Variants in MTTP observed in about 807,000 individuals in gnomAD.
The protein encoded by MTTP is microsomal triglyceride transfer protein.
Under a neutral mutation model 90.6 loss-of-function variants are expected in MTTP, and 49 were observed. That is an observed-to-expected ratio of 0.54 (90% confidence interval 0.43 to 0.69). The LOEUF (loss-of-function observed/expected upper bound fraction) is 0.69. Ranked by LOEUF, MTTP falls within the 30% of genes least tolerant of loss-of-function variation. MTTP has a pLI of 0.00. For synonymous variants in MTTP, 347 were observed against 384.2 expected (o/e 0.90, Z 1.13); for missense variants, 945 against 1,067.5 (o/e 0.89, Z 1.60).
In MTTP at chr4:99,622,837, G is replaced by A. The variant is rs774949603; in HGVS notation, c.2674G>A (p.Gly892Arg). The A allele has an allele frequency of 9.9e-6, 16 of 1,613,950 alleles. No individual in the cohort carries two copies. Among genetic ancestry groups the A allele is most frequent in the African/African-American group, 2.7e-5 (2 of 74,908 alleles). The change falls in exon 18 of 18, where the codon GGA becomes AGA. Residue 892 changes from glycine (G) to arginine (R), a missense_variant. Coordinates refer to ENST00000265517, the MANE Select transcript of MTTP (RefSeq NM_001386140.1). ...CCCTCAGCCGGATAGTACTTCCAGC[G>A]GATGGTTTTGAAACTGACCTGTGAT... ...FAPQPDSTSS[G>R]WF
At chr4:99,594,573 A>G (rs1434733154) in intron 6 of MTTP, among the ~76,000 whole-genome samples, 160 bp from the exon 7 acceptor site, 4 of 152,196 alleles carry the variant, frequency 2.6e-5, no homozygotes, top group Non-Finnish European at 5.9e-5. Flanking sequence ...AAGACTTCAT[A>G]ATGAGCTTTC....
chr4:99,621,692 C>A (rs1296676266), intron 17 of MTTP, among the ~76,000 whole-genome samples: 1 of 152,102 alleles, frequency 6.6e-6, no homozygotes, highest in Non-Finnish European at 1.5e-5. Context: ...GCAACTTGAC[C>A]CTGTTTAAGT....
Position 99,601,625 on chromosome 4 carries a change from A to G in MTTP, c.1255A>G (p.Ile419Val), listed in dbSNP as rs749908900. The G allele has an allele frequency of 2.2e-5, 35 of 1,612,276 alleles. No individual in the cohort carries two copies. The highest frequency in any genetic ancestry group is 1.7e-5 in the Admixed American group (1 of 59,956). Reference sequence around the variant, plus strand: ...TTAATAGAGTAAGTTCAAAGGTTCTATTGGTAGCAGTGACATCAGAGAAAC... The same window carrying G: ...TTAATAGAGTAAGTTCAAAGGTTCTGTTGGTAGCAGTGACATCAGAGAAAC... Reference protein sequence around the residue: ...RALISKFKGSIGSSDIRETVM... With the variant: ...RALISKFKGSVGSSDIRETVM... The change falls in exon 10 of 18, where the codon ATT becomes GTT. Residue 419 changes from isoleucine (I) to valine (V), a missense_variant. Physicochemically the swap from Ile to Val is conservative, Grantham distance 29. Coordinates refer to ENST00000265517, the MANE Select transcript of MTTP (RefSeq NM_001386140.1).
chr4:99,622,920 C>G lies in MTTP; in HGVS notation c.*72C>G. 1 of 1,491,742 alleles carries G rather than the reference C, an allele frequency of 6.7e-7. No individual in the cohort carries two copies. Among genetic ancestry groups the G allele is most frequent in the Non-Finnish European group, 9.4e-7 (1 of 1,069,196 alleles). 92.4% of individuals were successfully genotyped at this position (1,491,742 alleles called of 1,614,324 possible). A position where few individuals can be genotyped will look rare whatever the true frequency, so the allele number is the denominator to read the frequency against. On this transcript the variant is annotated 3_prime_UTR_variant, in exon 18 of 18. Transcript: ENST00000265517. ...ACAATGTGGCATGACTAAGTACTTG[C>G]TCTCTGAGAGCACAGCGTTTACATA...
intron 5 of MTTP, 84 bp downstream of exon 5, chr4:99,591,435 G>T: frequency 1.6e-6 from 2 of 1,251,264 alleles, no homozygotes; most frequent in Admixed American, 1.8e-5. Context: ...AAATAAAGTA[G>T]AAATAGAATT....
chr4:99,578,150 C>A (rs2110209548), intron 1 of MTTP, among the ~76,000 whole-genome samples: 1 of 152,268 alleles, frequency 6.6e-6, no homozygotes, highest in Admixed American at 6.5e-5. Flanking sequence ...ATAAATCTGA[C>A]AAAGGAGTAT....
In MTTP at chr4:99,621,351, GA is replaced by G. The variant is rs1726227430; in HGVS notation, c.2513+122del. ...AAACAGTAGAAACCCAGGGAAAGAT[GA>G]ATTTTCTTTAAATGAGTAGAAGAAT... On this transcript the variant is annotated intron_variant, in intron 17 of 17. Transcript: ENST00000265517. 2.3e-6 allele frequency: 3 copies of G among 1,309,012 alleles called. No homozygotes were observed. In the Admixed American group the frequency reaches 5.4e-5, roughly 23 times the overall value. 81.1% of individuals were successfully genotyped at this position (1,309,012 alleles called of 1,614,324 possible).
chr4:99,610,608 T>C (rs781047161), intron 12 of MTTP, among the ~76,000 whole-genome samples: 10 of 152,200 alleles, frequency 6.6e-5, no homozygotes, highest in Admixed American at 1.3e-4. Context: ...GGGGTAAGGA[T>C]TAAGACTTAC....
intron 9 of MTTP, among the ~76,000 whole-genome samples, chr4:99,601,237 T>C (rs552719512): frequency 6.6e-6 from 1 of 152,200 alleles, no homozygotes; most frequent in Non-Finnish European, 1.5e-5. Context: ...ATAATCTTTA[T>C]GGAAAATGTA....
intron 15 of MTTP, among the ~76,000 whole-genome samples, chr4:99,615,684 A>T (rs1418006426): frequency 6.6e-6 from 1 of 152,154 alleles, no homozygotes; most frequent in Non-Finnish European, 1.5e-5. Context: ...AGATGGAATT[A>T]CTCTGTGCTT....
intron 10 of MTTP, among the ~76,000 whole-genome samples, chr4:99,603,314 A>G (rs1324454119): frequency 1.3e-5 from 2 of 152,136 alleles, no homozygotes; most frequent in Non-Finnish European, 2.9e-5. Flanking sequence ...TCTGGCCTTC[A>G]TTCCACAGAA....
chr4:99,581,834 A>G (rs1012026271), intron 1 of MTTP, 71 bp from the exon 2 acceptor site: 2 of 1,474,894 alleles, frequency 1.4e-6, no homozygotes, highest in African/African-American at 2.8e-5. Flanking sequence ...TGTGGTAGAG[A>G]GATGCACTGA....
Position 99,597,082 on chromosome 4 carries a change from C to T in MTTP, c.925C>T (p.Arg309Trp), listed in dbSNP as rs756001078. ...KGCPSLSELW[R>W]STRKYLQPDN... ...TGTTTTGCAGCTCTCGGAGCTCTGGCGGTCCACCAGGAAATACCTGCAGCC... is the reference window on the plus strand; with the variant it reads ...TGTTTTGCAGCTCTCGGAGCTCTGGTGGTCCACCAGGAAATACCTGCAGCC... The change falls in exon 8 of 18, where the codon CGG (arginine) becomes TGG (tryptophan). Residue 309 changes from arginine to tryptophan, a missense_variant. Arg to Trp is a moderately radical substitution (Grantham distance 101). Transcript: ENST00000265517. 3.7e-6 allele frequency: 6 copies of T among 1,613,710 alleles called. No homozygotes were observed. Among genetic ancestry groups the T allele is most frequent in the Admixed American group, 3.3e-5 (2 of 59,982 alleles).
intron 6 of MTTP, 110 bp downstream of exon 6, chr4:99,591,900 A>G (rs1725433548): frequency 3.1e-6 from 3 of 978,304 alleles, no homozygotes; most frequent in Non-Finnish European, 4.7e-6. Context: ...GCGTGTAGTC[A>G]TGCATTGCTT....
chr4:99,608,831 T>C lies in MTTP; in HGVS notation c.1623T>C (p.Thr541=). ...AAGTTCATGAAAAGACTGTGCGCACTGCTGCAGCTGCTATCATTTTAAATA... is the reference window on the plus strand; with the variant it reads ...AAGTTCATGAAAAGACTGTGCGCACCGCTGCAGCTGCTATCATTTTAAATA... ...NRKVHEKTVR[T]AAAAIILNNN... The change falls in exon 12 of 18, where the codon ACT becomes ACC. Residue 541 remains threonine, a synonymous_variant. Transcript: ENST00000265517. 6.2e-7 allele frequency: 1 copy of C among 1,614,164 alleles called. No individual in the cohort carries two copies. The highest frequency in any genetic ancestry group is 8.5e-7 in the Non-Finnish European group (1 of 1,180,004).
At chr4:99,614,818 T>C (rs1014657873) in intron 15 of MTTP, among the ~76,000 whole-genome samples, 4 of 152,218 alleles carry the variant, frequency 2.6e-5, no homozygotes, top group African/African-American at 4.8e-5. Context: ...TGGCTATCTC[T>C]AGCTGAGAGA....
chr4:99,587,747 C>T (rs1463830929), intron 3 of MTTP, among the ~76,000 whole-genome samples: 1 of 152,102 alleles, frequency 6.6e-6, no homozygotes, highest in Admixed American at 6.6e-5. Context: ...GTGAACACTT[C>T]TGACTATTTT....
intron 6 of MTTP, among the ~76,000 whole-genome samples, chr4:99,593,888 T>C (rs546581825): frequency 1.4e-4 from 22 of 152,180 alleles, no homozygotes; most frequent in Non-Finnish European, 3.2e-4. Context: ...GATTTAGTGG[T>C]ATAAAATGCA....
chr4:99,601,828 C>A, intron 10 of MTTP, 114 bp downstream of exon 10: 2 of 829,094 alleles, frequency 2.4e-6, no homozygotes, highest in Admixed American at 1.9e-5. Flanking sequence ...TTCTACTTAC[C>A]TTATTTGCAT....
Sources: gnomAD v4.1 joint callset for allele counts (sites outside exome capture counted in the v4.1 genomes callset) on GRCh38, gnomAD v4.1.1 for gene constraint, MANE v1.5 for transcripts, NCBI Gene and HGNC (gene_info 2026-07-23, HGNC 2026-07-21) for gene names.